The following PDE1C variants were observed in gnomAD, a reference collection of about 807,000 sequenced individuals.
The protein encoded by PDE1C is dual specificity calcium/calmodulin-dependent 3',5'-cyclic nucleotide phosphodiesterase 1C.
Under a neutral mutation model 93.1 loss-of-function variants are expected in PDE1C, and 62 were observed. That is an observed-to-expected ratio of 0.67 (90% CI 0.54 to 0.82). The LOEUF (loss-of-function observed/expected upper bound fraction) is 0.82. Ranked by LOEUF, PDE1C falls within the 40% of genes least tolerant of loss-of-function variation. The pLI, the probability that PDE1C is intolerant of heterozygous loss-of-function variation, is 0.00. For synonymous variants in PDE1C, 325 were observed against 310.1 expected (o/e 1.05, Z -0.50); for missense variants, 742 against 884.6 (o/e 0.84, Z 2.04).
intron 1 of PDE1C, among the ~76,000 whole-genome samples, chr7:32,310,007 T>G (rs900817798): frequency 2.4e-4 from 37 of 152,106 alleles, no homozygotes; most frequent in Non-Finnish European, 2.1e-4. Flanking sequence ...AGGAAACCCA[T>G]GTCATGTGCA....
intron 2 of PDE1C, among the ~76,000 whole-genome samples, chr7:31,959,406 G>T (rs186121951): frequency 1.3e-5 from 2 of 152,174 alleles, no homozygotes; most frequent in Middle Eastern, 3.4e-3. Flanking sequence ...TAGAGAAAAG[G>T]CTTCACTATG....
At chr7:32,144,062 A>C (rs1253588791) in intron 3 of PDE1C, among the ~76,000 whole-genome samples, 1 of 152,062 alleles carries the variant, frequency 6.6e-6, no homozygotes, top group Non-Finnish European at 1.5e-5. Flanking sequence ...ACACAAGCAT[A>C]AAGGGCTTGC....
chr7:31,889,589 T>A (rs1321692031), intron 2 of PDE1C, among the ~76,000 whole-genome samples: 1 of 152,188 alleles, frequency 6.6e-6, no homozygotes, highest in East Asian at 1.9e-4. Context: ...AGAGGAGCCC[T>A]GCATGCTCAG....
At chr7:32,111,325 G>T (rs997949188) in intron 3 of PDE1C, among the ~76,000 whole-genome samples, 3 of 152,184 alleles carry the variant, frequency 2.0e-5, no homozygotes, top group African/African-American at 4.8e-5. Context: ...AAGACAGTAG[G>T]TTTGAACACA....
intron 2 of PDE1C, among the ~76,000 whole-genome samples, chr7:32,207,815 G>A (rs751429546): frequency 6.6e-6 from 1 of 152,170 alleles, no homozygotes; most frequent in African/African-American, 2.4e-5. Context: ...GGGACAAATT[G>A]CCTCAACTCT....
intron 3 of PDE1C, among the ~76,000 whole-genome samples, chr7:32,099,320 T>C (rs1360322044): frequency 2.6e-5 from 4 of 152,204 alleles, no homozygotes; most frequent in Non-Finnish European, 4.4e-5. Flanking sequence ...TTTGCCATTA[T>C]AAAGAACCTT....
At chr7:32,216,526 T>C (rs1261249288) in intron 1 of PDE1C, among the ~76,000 whole-genome samples, 1 of 152,074 alleles carries the variant, frequency 6.6e-6, no homozygotes, top group Non-Finnish European at 1.5e-5. Flanking sequence ...ATTCAGAACG[T>C]GATGGAGCCA....
At chr7:32,184,487 C>A (rs1803700924) in intron 2 of PDE1C, among the ~76,000 whole-genome samples, 1 of 152,200 alleles carries the variant, frequency 6.6e-6, no homozygotes, top group South Asian at 2.1e-4. Context: ...AGGATGAGTT[C>A]ATGTCCTTTG....
chr7:32,095,373 A>G (rs982790209), intron 3 of PDE1C, among the ~76,000 whole-genome samples: 7 of 152,170 alleles, frequency 4.6e-5, no homozygotes, highest in African/African-American at 1.7e-4. Context: ...GCACCCTTCC[A>G]TGGCCGGACA....
intron 2 of PDE1C, among the ~76,000 whole-genome samples, chr7:31,892,365 C>G (rs960253438): frequency 6.6e-6 from 1 of 152,152 alleles, no homozygotes; most frequent in Non-Finnish European, 1.5e-5. Flanking sequence ...TCAGGATCAA[C>G]TGAAGAAACT....
intron 1 of PDE1C, among the ~76,000 whole-genome samples, chr7:32,246,690 C>T (rs748894152): frequency 5.3e-5 from 8 of 152,182 alleles, no homozygotes; most frequent in Non-Finnish European, 7.3e-5. Flanking sequence ...TGGAGTCCAA[C>T]AGATACAAGT....
upstream of PDE1C, chr7:32,299,483 C>T (rs2128901714): frequency 2.2e-6 from 2 of 921,488 alleles, no homozygotes; most frequent in Non-Finnish European, 2.6e-6. Context: ...AATTAGAACT[C>T]GCCCCTTACC....
the PDE1C span, among the ~76,000 whole-genome samples, chr7:31,658,095 A>C: frequency 6.6e-6 from 1 of 152,126 alleles, no homozygotes; most frequent in Non-Finnish European, 1.5e-5. Flanking sequence ...ATGAGGGAAG[A>C]CCCAAGTTGC....
exon 2 of PDE1C, chr7:32,209,522 C>T (rs1302526587): frequency 1.3e-6 from 2 of 1,570,906 alleles, no homozygotes; most frequent in East Asian, 2.3e-5. Context: ...GCATTCTTGT[C>T]TCCAGCTTCA....
At chr7:31,617,853 T>G in the PDE1C span, among the ~76,000 whole-genome samples, 1 of 152,174 alleles carries the variant, frequency 6.6e-6, no homozygotes, top group South Asian at 2.1e-4. Flanking sequence ...ATTTGACCTA[T>G]TAAGAAGAGA....
chr7:32,381,210 C>T (rs1019884369), intron 1 of PDE1C, among the ~76,000 whole-genome samples: 1 of 151,702 alleles, frequency 6.6e-6, no homozygotes, highest in Admixed American at 6.6e-5. Context: ...TTCCACCATT[C>T]TCCACTAGTC....
At chr7:32,390,775 C>T (rs1482891256) in intron 1 of PDE1C, among the ~76,000 whole-genome samples, 2 of 151,898 alleles carry the variant, frequency 1.3e-5, no homozygotes, top group African/African-American at 4.8e-5. Flanking sequence ...ATTGCTTGAG[C>T]CTGGGAGGTC....
At chr7:32,009,212 A>G (rs1786723513) in intron 2 of PDE1C, among the ~76,000 whole-genome samples, 1 of 152,216 alleles carries the variant, frequency 6.6e-6, no homozygotes, top group African/African-American at 2.4e-5. Flanking sequence ...TGTGGTTGCC[A>G]TAGCTTACTG....
rs183991028 is a variant in PDE1C at position 32,311,047 on chromosome 7, G to A, written c.311-101508C>T. Among the ~76,000 whole-genome samples the A allele has an allele frequency of 2.9e-3, 434 of 152,046 alleles. 2 individuals are homozygous for A. Among genetic ancestry groups the A allele is most frequent in the African/African-American group, 9.5e-3 (395 of 41,468 alleles). ...GAAAAGAGAGAAGAATCAAATAGAC[G>A]CAATAAAAAATGATAAAGAAGATAT... On this transcript the variant is annotated intron_variant, in intron 1 of 1. Coordinates refer to the PDE1C transcript ENST00000672256.
Sources: allele counts gnomAD v4.1 joint callset (sites outside exome capture counted in the v4.1 genomes callset), GRCh38; gene constraint gnomAD v4.1.1; transcripts MANE v1.5; gene names NCBI Gene and HGNC (gene_info 2026-07-23, HGNC 2026-07-21).